Variants in SPOPL observed in about 807,000 individuals in gnomAD.
SPOPL encodes the protein speckle-type POZ protein-like.
In SPOPL, 23 loss-of-function variants were observed where a neutral mutation model predicts 53.8. The ratio of observed to expected loss-of-function variants is 0.43; its 90% confidence interval spans 0.31 to 0.61. The LOEUF is 0.61. SPOPL is among the 20% of genes least tolerant of loss of function. SPOPL has a pLI of 0.12. For missense variants in SPOPL, 442 were observed against 466.9 expected (o/e 0.95, Z 0.49); for synonymous variants, 164 against 149.7 (o/e 1.10, Z -0.70).
intron 1 of SPOPL, among the ~76,000 whole-genome samples, chr2:138,517,132 T>C (rs1206611091): frequency 6.6e-6 from 1 of 152,190 alleles, no homozygotes; most frequent in Non-Finnish European, 1.5e-5. Flanking sequence ...CTATGAGACA[T>C]GTTTGTGTTT....
At chr2:138,521,605 A>G (rs531442936) in intron 1 of SPOPL, among the ~76,000 whole-genome samples, 1 of 152,284 alleles carries the variant, frequency 6.6e-6, no homozygotes, top group African/African-American at 2.4e-5. Flanking sequence ...ACAAGGCAGC[A>G]GTAAACAGAG....
At chr2:138,504,428 G>A (rs1351143592) in intron 1 of SPOPL, among the ~76,000 whole-genome samples, 1 of 152,122 alleles carries the variant, frequency 6.6e-6, no homozygotes, top group Non-Finnish European at 1.5e-5. Flanking sequence ...TATAAACAGG[G>A]CAGGTTGAAG....
rs1213444246 is a variant in SPOPL at position 138,545,092 on chromosome 2, TCCCAGAA to T, written c.-60-5064_-60-5058del. 4.1e-4 allele frequency among the ~76,000 whole-genome samples: 62 copies of T among 152,292 alleles called. 1 individual carries two copies. The highest frequency in any genetic ancestry group is 1.4e-3 in the African/African-American group (60 of 41,564). On this transcript the variant is annotated intron_variant, in intron 1 of 10. Transcript: ENST00000280098. ...CTTAATGCTTTTGATAAATGCCATA[TCCCAGAA>T]TGCTGTCCCCTACCTCAGGGAAGCT... is the stretch of plus-strand genomic sequence containing the variant.
chr2:138,514,185 T>A (rs529069614), intron 1 of SPOPL, among the ~76,000 whole-genome samples: 2 of 152,316 alleles, frequency 1.3e-5, no homozygotes, highest in East Asian at 3.9e-4. Flanking sequence ...CAGGAGGTCC[T>A]AAAAACATGT....
intron 1 of SPOPL, among the ~76,000 whole-genome samples, chr2:138,515,169 G>C (rs1684411869): frequency 6.6e-6 from 1 of 152,180 alleles, no homozygotes; most frequent in Non-Finnish European, 1.5e-5. Flanking sequence ...TTGACTTTCT[G>C]ACAAATAGTG....
intron 1 of SPOPL, among the ~76,000 whole-genome samples, chr2:138,510,614 T>G (rs961821714): frequency 6.6e-6 from 1 of 152,220 alleles, no homozygotes; most frequent in Admixed American, 6.5e-5. Context: ...TACATATAAA[T>G]TAAGAATTAT....
At chr2:138,546,104 TTAGA>T (rs1018093540) in intron 1 of SPOPL, among the ~76,000 whole-genome samples, 1 of 152,198 alleles carries the variant, frequency 6.6e-6, no homozygotes. Flanking sequence ...TTATATAAAA[TTAGA>T]TAGTTGTGTG....
chr2:138,529,536 T>TCGCGCGCGCGCG (rs72375808), intron 1 of SPOPL, among the ~76,000 whole-genome samples: 9 of 97,584 alleles, frequency 9.2e-5, no homozygotes, highest in Non-Finnish European at 2.0e-4. Flanking sequence ...GTGTGTGTGT[T>TCGCGCGCGCGCG]TGCGTGCGCG....
At chr2:138,504,802 G>T (rs990446547) in intron 1 of SPOPL, among the ~76,000 whole-genome samples, 8 of 152,196 alleles carry the variant, frequency 5.3e-5, no homozygotes, top group African/African-American at 1.9e-4. Flanking sequence ...AGCCCTAGTT[G>T]AGAAAAGCTC....
At chr2:138,545,590 C>T (rs1177215520) in intron 1 of SPOPL, among the ~76,000 whole-genome samples, 1 of 77,546 alleles carries the variant, frequency 1.3e-5, no homozygotes, top group Non-Finnish European at 2.8e-5. Context: ...CCTGCCATCA[C>T]ACCCGGCTAA....
chr2:138,558,853 C>G (rs41269827), intron 5 of SPOPL, among the ~76,000 whole-genome samples, 169 bp from the exon 6 acceptor site: 110 of 152,130 alleles, frequency 7.2e-4, no homozygotes, highest in Non-Finnish European at 1.1e-3. Flanking sequence ...TTTCATTTCT[C>G]TCCTTTAAAT....
chr2:138,519,167 C>A (rs1489711814), intron 1 of SPOPL, among the ~76,000 whole-genome samples: 1 of 152,118 alleles, frequency 6.6e-6, no homozygotes, highest in Non-Finnish European at 1.5e-5. Flanking sequence ...TTCTGTAATA[C>A]TAAATTATTT....
intron 1 of SPOPL, among the ~76,000 whole-genome samples, chr2:138,537,040 A>G (rs1426979846): frequency 6.6e-6 from 1 of 152,184 alleles, no homozygotes; most frequent in African/African-American, 2.4e-5. Flanking sequence ...CACCATGCCC[A>G]AAGTAGAGCC....
chr2:138,556,514 A>G (rs1215030752), intron 5 of SPOPL, among the ~76,000 whole-genome samples: 2 of 152,202 alleles, frequency 1.3e-5, no homozygotes, highest in African/African-American at 2.4e-5. Flanking sequence ...GAACAAATAA[A>G]TGCTGTTAGG....
intron 1 of SPOPL, among the ~76,000 whole-genome samples, chr2:138,537,317 G>A (rs1287668683): frequency 1.3e-5 from 2 of 152,078 alleles, no homozygotes; most frequent in Non-Finnish European, 2.9e-5. Flanking sequence ...GGGTGTCCAC[G>A]TGAGAGGGTC....
chr2:138,566,083 C>T (rs1685653910), intron 10 of SPOPL, among the ~76,000 whole-genome samples: 1 of 151,946 alleles, frequency 6.6e-6, no homozygotes, highest in Non-Finnish European at 1.5e-5. Context: ...TAATTATTTC[C>T]CATTGCTTTA....
At chr2:138,508,153 C>T (rs1440246494) in intron 1 of SPOPL, among the ~76,000 whole-genome samples, 1 of 152,112 alleles carries the variant, frequency 6.6e-6, no homozygotes, top group African/African-American at 2.4e-5. Flanking sequence ...ATCAAAAAGT[C>T]TACAAATCCC....
intron 1 of SPOPL, among the ~76,000 whole-genome samples, chr2:138,523,220 CAAGAG>C (rs1573876037): frequency 1.3e-5 from 2 of 152,138 alleles, no homozygotes; most frequent in Non-Finnish European, 2.9e-5. Flanking sequence ...TGACAGCAGA[CAAGAG>C]AAGAGAGCTT....
chr2:138,548,188 G>A (rs1370150478), intron 1 of SPOPL, among the ~76,000 whole-genome samples: 2 of 150,074 alleles, frequency 1.3e-5, no homozygotes, highest in African/African-American at 4.9e-5. Context: ...GCAATAGGTA[G>A]AAAACGTTAT....
Sources: gnomAD v4.1 joint callset for allele counts (sites outside exome capture counted in the v4.1 genomes callset) on GRCh38, gnomAD v4.1.1 for gene constraint, MANE v1.5 for transcripts, NCBI Gene and HGNC (gene_info 2026-07-23, HGNC 2026-07-21) for gene names.